GABRA3: variants seen among roughly 807,000 people sequenced by gnomAD.
GABRA3 encodes gamma-aminobutyric acid receptor subunit alpha-3.
A neutral mutation model predicts 30.1 loss-of-function variants in GABRA3; 10 were observed. The ratio of observed to expected loss-of-function variants is 0.33; its 90% CI spans 0.20 to 0.56. The LOEUF is 0.56. GABRA3 is among the 20% of genes least tolerant of loss of function. The pLI is 0.89. For synonymous variants in GABRA3, 151 were observed against 146.8 expected, an observed-to-expected ratio of 1.03 and a Z score of -0.21; for missense variants, 233 against 392.0, an observed-to-expected ratio of 0.59 and a Z score of 3.42.
intron 8 of GABRA3, among the ~76,000 whole-genome samples, chrX:152,196,634 A>G (rs1937392797): frequency 9.0e-6 from 1 of 111,238 alleles, no homozygotes; most frequent in Non-Finnish European, 1.9e-5. Flanking sequence ...GATCCCTAAC[A>G]GCCAAGTATA....
intron 3 of GABRA3, among the ~76,000 whole-genome samples, chrX:152,341,247 A>G (rs1260632086): frequency 1.8e-5 from 2 of 111,599 alleles, no homozygotes; most frequent in Non-Finnish European, 3.8e-5. Flanking sequence ...CACAATGTGT[A>G]TGTATCACAT....
At chrX:152,382,136 C>T (rs771336468) in intron 1 of GABRA3, among the ~76,000 whole-genome samples, 1 of 112,138 alleles carries the variant, frequency 8.9e-6, no homozygotes, top group East Asian at 2.8e-4. Context: ...ACAGACACTT[C>T]TCAAAAGAAG....
At chrX:152,354,771 C>A (rs1464268672) in intron 2 of GABRA3, among the ~76,000 whole-genome samples, 1 of 111,471 alleles carries the variant, frequency 9.0e-6, no homozygotes, top group Admixed American at 9.5e-5. Flanking sequence ...GTAGGTGAAT[C>A]ATCAACCATA....
At chrX:152,407,777 C>G (rs1603255746) in intron 1 of GABRA3, among the ~76,000 whole-genome samples, 1 of 111,719 alleles carries the variant, frequency 9.0e-6, no homozygotes, top group Middle Eastern at 4.6e-3. Context: ...ACAACAGCAA[C>G]AAATTGCAGG....
At chrX:152,225,428 ACACG>A (rs1321500634) in intron 5 of GABRA3, among the ~76,000 whole-genome samples, 1 of 17,869 alleles carries the variant, frequency 5.6e-5, no homozygotes, top group Admixed American at 7.3e-4. Context: ...GCACACACAC[ACACG>A]CACACACACA....
chrX:152,235,639 T>C (rs1244729235), intron 5 of GABRA3, among the ~76,000 whole-genome samples: 1 of 111,749 alleles, frequency 8.9e-6, no homozygotes, highest in Non-Finnish European at 1.9e-5. Context: ...TACAAAGATA[T>C]GCTTGAGAAT....
At chrX:152,413,301 C>T (rs749598432) in intron 1 of GABRA3, among the ~76,000 whole-genome samples, 39 of 110,302 alleles carry the variant, frequency 3.5e-4, no homozygotes, top group African/African-American at 1.2e-3. Flanking sequence ...CAGTAATAAA[C>T]GGATTTTATG....
chrX:152,402,291 C>T (rs752135587), intron 1 of GABRA3, among the ~76,000 whole-genome samples: 1 of 111,967 alleles, frequency 8.9e-6, no homozygotes, highest in African/African-American at 3.2e-5. Context: ...CTTATCCCTC[C>T]AGCCGTCACA....
At chrX:152,204,071 T>A (rs947629011) in intron 7 of GABRA3, among the ~76,000 whole-genome samples, 4 of 111,355 alleles carry the variant, frequency 3.6e-5, no homozygotes, top group Non-Finnish European at 5.7e-5. Context: ...GGTTGATAGA[T>A]CAATAAATAT....
rs189618033 is a variant in GABRA3 at position 152,199,215 on chromosome X, T to A, written c.779-1430A>T. Among the ~76,000 whole-genome samples, 414 of 106,326 alleles carry A rather than the reference T, an allele frequency of 3.9e-3. 4 individuals are homozygous for A. The highest frequency in any genetic ancestry group is 6.6e-3 in the Non-Finnish European group (336 of 51,021). The allele number at this position is 106,326 out of a possible 115,157, so 92.3% of individuals were successfully genotyped here. On this transcript the variant is annotated intron_variant, in intron 7 of 9. Transcript: ENST00000370314. ...CCCCATCTCTACTAAAAATACAAAA[T>A]ATTAGCCGGGTGTGGTGGCGGGCAC...
At chrX:152,177,627 G>C (rs1937091535) in intron 9 of GABRA3, among the ~76,000 whole-genome samples, 1 of 110,609 alleles carries the variant, frequency 9.0e-6, no homozygotes, top group Non-Finnish European at 1.9e-5. Flanking sequence ...CAGGCAGTTA[G>C]ATTGGTTCAT....
chrX:152,231,138 A>AGT (rs1431610061), intron 5 of GABRA3, among the ~76,000 whole-genome samples: 2 of 90,862 alleles, frequency 2.2e-5, no homozygotes, highest in South Asian at 4.7e-4. Context: ...AAAAATGAGA[A>AGT]GTGTATATAT....
At position 152,373,608 on chromosome X, in the gene GABRA3, A is replaced by G. The variant is rs151213996; in HGVS notation, c.-26-9012T>C. ...GGCGTAAGATGGTATCTCAAAGTGTAGTTTTGATTTGCATTTCTTTTTTTT... is the reference window on the plus strand; with the variant it reads ...GGCGTAAGATGGTATCTCAAAGTGTGGTTTTGATTTGCATTTCTTTTTTTT... On this transcript the variant is annotated intron_variant, in intron 1 of 9. Transcript: ENST00000370314. Among the ~76,000 whole-genome samples, 3 of 111,379 alleles carry G rather than the reference A, an allele frequency of 2.7e-5. No homozygotes were observed. The East Asian group carries it at 8.5e-4, about 32-fold the overall frequency.
At chrX:152,172,555 G>A (rs1937016478) in intron 9 of GABRA3, among the ~76,000 whole-genome samples, 1 of 111,214 alleles carries the variant, frequency 9.0e-6, no homozygotes, top group African/African-American at 3.3e-5. Context: ...AGTGTCCATC[G>A]AGAGAACAAT....
At chrX:152,189,375 T>C (rs1189308627) in intron 9 of GABRA3, among the ~76,000 whole-genome samples, 1 of 111,834 alleles carries the variant, frequency 8.9e-6, no homozygotes, top group African/African-American at 3.3e-5. Context: ...AATTTGAATA[T>C]ACTGGGAAGA....
intron 6 of GABRA3, among the ~76,000 whole-genome samples, chrX:152,213,449 T>C (rs150561438): frequency 0.024 from 2,695 of 110,898 alleles, 44 homozygotes; most frequent in Middle Eastern, 0.069. Context: ...TGAGGAGGGG[T>C]GTCATTAGAT....
At chrX:152,291,026 A>G (rs1462881906) in intron 3 of GABRA3, among the ~76,000 whole-genome samples, 1 of 111,711 alleles carries the variant, frequency 9.0e-6, no homozygotes, top group East Asian at 2.8e-4. Flanking sequence ...TGAACTTTAA[A>G]GTAGTTTTTT....
At chrX:152,425,134 G>C (rs1930487368) in intron 1 of GABRA3, among the ~76,000 whole-genome samples, 1 of 105,030 alleles carries the variant, frequency 9.5e-6, no homozygotes, top group Non-Finnish European at 1.9e-5. Context: ...ACAGAATCTT[G>C]TTACGTTGCC....
chrX:152,328,154 A>G (rs1347285342), intron 3 of GABRA3, among the ~76,000 whole-genome samples: 4 of 111,796 alleles, frequency 3.6e-5, no homozygotes, highest in African/African-American at 1.3e-4. Flanking sequence ...ACCAGGAAGA[A>G]GTTGAATCCC....
Sources: gnomAD v4.1 joint callset for allele counts (sites outside exome capture counted in the v4.1 genomes callset) on GRCh38, gnomAD v4.1.1 for gene constraint, MANE v1.5 for transcripts, NCBI Gene and HGNC (gene_info 2026-07-23, HGNC 2026-07-21) for gene names.